SNTG1: variants seen among roughly 807,000 people sequenced by gnomAD.
SNTG1 encodes gamma-1-syntrophin.
Under a neutral mutation model 74.7 loss-of-function variants are expected in SNTG1, and 39 were observed. The ratio of observed to expected loss-of-function variants is 0.52; its 90% CI spans 0.40 to 0.68. The LOEUF (loss-of-function observed/expected upper bound fraction) is 0.68. Ranked by LOEUF, SNTG1 falls within the 30% of genes least tolerant of loss-of-function variation. SNTG1 has a pLI of 0.00. For synonymous variants in SNTG1, 254 were observed against 217.1 expected (o/e 1.17, Z -1.49); for missense variants, 685 against 609.5 (o/e 1.12, Z -1.30).
intron 1 of SNTG1, among the ~76,000 whole-genome samples, chr8:49,975,989 G>T (rs1387043674): frequency 6.6e-6 from 1 of 151,990 alleles, no homozygotes; most frequent in African/African-American, 2.4e-5. Context: ...AACTACATTT[G>T]CTCCCTGAGT....
intron 12 of SNTG1, among the ~76,000 whole-genome samples, chr8:50,582,167 T>G (rs77496774): frequency 6.6e-6 from 1 of 152,294 alleles, no homozygotes; most frequent in African/African-American, 2.4e-5. Flanking sequence ...TTTGATTGCT[T>G]GTTTGTTTTG....
intron 1 of SNTG1, among the ~76,000 whole-genome samples, chr8:50,036,181 C>T (rs1217437626): frequency 6.6e-6 from 1 of 152,140 alleles, no homozygotes; most frequent in African/African-American, 2.4e-5. Flanking sequence ...TTTCATTTCA[C>T]AGATAGGCTT....
chr8:50,259,840 A>AT (rs1477364279), intron 2 of SNTG1, among the ~76,000 whole-genome samples: 8 of 152,118 alleles, frequency 5.3e-5, no homozygotes, highest in Admixed American at 4.6e-4. Flanking sequence ...ATGAATCACA[A>AT]TTTTTTTGGA....
chr8:50,085,974 G>T (rs1424184283), intron 1 of SNTG1, among the ~76,000 whole-genome samples: 2 of 151,970 alleles, frequency 1.3e-5, no homozygotes, highest in Admixed American at 6.6e-5. Flanking sequence ...GCACAATGAG[G>T]ATTTACTTTT....
At chr8:50,405,379 T>C (rs1210285977) in intron 4 of SNTG1, among the ~76,000 whole-genome samples, 1 of 152,142 alleles carries the variant, frequency 6.6e-6, no homozygotes, top group Non-Finnish European at 1.5e-5. Flanking sequence ...GTGGTTTTCA[T>C]TTGCATTCTC....
intron 17 of SNTG1, among the ~76,000 whole-genome samples, chr8:50,719,362 C>T (rs1035648077): frequency 2.6e-5 from 4 of 152,052 alleles, no homozygotes; most frequent in South Asian, 2.1e-4. Context: ...CCTTCTGCCA[C>T]GGGAGAAGGC....
chr8:50,650,964 G>A (rs1043014834), intron 13 of SNTG1, among the ~76,000 whole-genome samples: 1 of 152,132 alleles, frequency 6.6e-6, no homozygotes, highest in Non-Finnish European at 1.5e-5. Flanking sequence ...GCTTTCCAAA[G>A]TTCTGGGATT....
At chr8:50,560,019 C>T (rs181624101) in intron 12 of SNTG1, among the ~76,000 whole-genome samples, 12 of 152,138 alleles carry the variant, frequency 7.9e-5, no homozygotes, top group African/African-American at 2.4e-4. Context: ...AACTTAAACA[C>T]ATTTACAAGA....
intron 2 of SNTG1, among the ~76,000 whole-genome samples, chr8:50,369,722 C>T (rs892032762): frequency 2.0e-5 from 3 of 152,168 alleles, no homozygotes; most frequent in East Asian, 3.9e-4. Context: ...AACCAAAGCC[C>T]ACTGGAACTT....
At chr8:50,766,762 A>G (rs532346938) in intron 18 of SNTG1, among the ~76,000 whole-genome samples, 1 of 152,028 alleles carries the variant, frequency 6.6e-6, no homozygotes, top group Middle Eastern at 3.4e-3. Context: ...TGCTGCCCAT[A>G]TGTCCTCCCA....
chr8:49,930,617 T>G (rs1158491704), intron 1 of SNTG1, among the ~76,000 whole-genome samples: 1 of 152,030 alleles, frequency 6.6e-6, no homozygotes, highest in African/African-American at 2.4e-5. Flanking sequence ...ATGTTGGAAA[T>G]TTTCTATTTG....
intron 13 of SNTG1, among the ~76,000 whole-genome samples, chr8:50,641,769 C>T (rs1170286165): frequency 2.0e-5 from 3 of 152,140 alleles, no homozygotes; most frequent in Admixed American, 6.5e-5. Flanking sequence ...TCTTTCATGA[C>T]GTAAAAATTG....
chr8:50,654,982 T>C (rs2095171174), intron 13 of SNTG1, among the ~76,000 whole-genome samples: 1 of 152,206 alleles, frequency 6.6e-6, no homozygotes, highest in Non-Finnish European at 1.5e-5. Context: ...TAGCTGATTC[T>C]CTCATGTGAC....
chr8:50,401,587 CTG>C (rs150210446), intron 3 of SNTG1, among the ~76,000 whole-genome samples: 79 of 150,160 alleles, frequency 5.3e-4, no homozygotes, highest in African/African-American at 1.5e-3. Flanking sequence ...TAGGTATAAA[CTG>C]TGTGTGTGTG....
chr8:50,156,670 A>G (rs2082265371), intron 1 of SNTG1, among the ~76,000 whole-genome samples: 1 of 152,086 alleles, frequency 6.6e-6, no homozygotes, highest in Non-Finnish European at 1.5e-5. Flanking sequence ...AATCATTGCT[A>G]AAAAGACAAA....
intron 2 of SNTG1, among the ~76,000 whole-genome samples, chr8:50,176,090 A>G (rs1190067591): frequency 3.9e-5 from 6 of 152,136 alleles, no homozygotes; most frequent in Admixed American, 2.0e-4. Context: ...CAAGAGTATT[A>G]TAATAAAACA....
intron 9 of SNTG1, among the ~76,000 whole-genome samples, chr8:50,515,076 C>T (rs2094119594): frequency 6.6e-6 from 1 of 152,070 alleles, no homozygotes; most frequent in African/African-American, 2.4e-5. Flanking sequence ...ATATTTTTCT[C>T]TATCATTTCA....
At chr8:49,995,883 A>C (rs761922459) in intron 1 of SNTG1, among the ~76,000 whole-genome samples, 1 of 152,176 alleles carries the variant, frequency 6.6e-6, no homozygotes, top group South Asian at 2.1e-4. Context: ...CTTATGCCCT[A>C]AAGTTTTTTC....
At chr8:50,367,994 C>T (rs547184969) in intron 2 of SNTG1, among the ~76,000 whole-genome samples, 10 of 152,094 alleles carry the variant, frequency 6.6e-5, no homozygotes, top group South Asian at 2.1e-4. Flanking sequence ...CGAATTTCTA[C>T]GAAGGGACTA....
Sources: allele counts gnomAD v4.1 joint callset (sites outside exome capture counted in the v4.1 genomes callset), GRCh38; gene constraint gnomAD v4.1.1; transcripts MANE v1.5; gene names NCBI Gene and HGNC (gene_info 2026-07-23, HGNC 2026-07-21).